Variants in EP400 observed in about 807,000 individuals in gnomAD.
EP400 encodes E1A-binding protein p400.
EP400 carries 105 observed loss-of-function variants against 354.1 expected under a neutral mutation model. That is an observed-to-expected ratio of 0.30 (90% CI 0.25 to 0.35). EP400 has a LOEUF of 0.35. Ranked by LOEUF, EP400 falls within the 10% of genes least tolerant of loss-of-function variation. The pLI is 1.00. For missense variants in EP400, 3,280 were observed against 4,121.0 expected (o/e 0.80, Z 5.59); for synonymous variants, 1,646 against 1,716.9 (o/e 0.96, Z 1.02).
chr12:132,033,757 C>T (rs778355752), intron 30 of EP400, among the ~76,000 whole-genome samples: 1 of 152,098 alleles, frequency 6.6e-6, no homozygotes, highest in Non-Finnish European at 1.5e-5. Context: ...GTCCCAAACT[C>T]CTGGGCTCAA....
chr12:132,027,297 G>A lies in EP400; in HGVS notation c.5015-140G>A. On this transcript the variant is annotated intron_variant, in intron 25 of 52. Coordinates refer to ENST00000389561, the MANE Select transcript of EP400 (RefSeq NM_015409.5). The surrounding 1 kb of genome is among the most constrained non-coding windows in gnomAD (Gnocchi z 4.9). ...CCAGGCATGTGCTGGTGGAGGATGAGGACTTGGGGACATGCCGTTGCAGAA... is the reference window on the plus strand; with the variant it reads ...CCAGGCATGTGCTGGTGGAGGATGAAGACTTGGGGACATGCCGTTGCAGAA... 1.3e-6 allele frequency: 1 copy of A among 790,988 alleles called. No individual in the cohort carries two copies. Among genetic ancestry groups the A allele is most frequent in the Non-Finnish European group, 2.1e-6 (1 of 466,438 alleles). 49.0% of individuals were successfully genotyped at this position (790,988 alleles called of 1,614,324 possible). A position where few individuals can be genotyped will look rare whatever the true frequency, so the allele number is the denominator to read the frequency against.
At chr12:132,077,293 A>G (rs1165120147) in intron 52 of EP400, 108 bp from the exon 53 acceptor site, 18 of 1,370,684 alleles carry the variant, frequency 1.3e-5, no homozygotes, top group African/African-American at 4.4e-5. Context: ...TCATAAAAGC[A>G]TAGTCAGTGA....
At chr12:131,953,860 C>A (rs1439218972) in intron 1 of EP400, among the ~76,000 whole-genome samples, 1 of 152,126 alleles carries the variant, frequency 6.6e-6, no homozygotes, top group African/African-American at 2.4e-5. Flanking sequence ...CGCCTGTAAT[C>A]CAAGCACTTT....
rs1896309566 is a variant in EP400, at chr12:132,078,744, A to G, written c.*1071A>G. 1.3e-5 allele frequency: 2 copies of G among 152,208 alleles called. No homozygotes were observed. Among genetic ancestry groups the G allele is most frequent in the African/African-American group, 4.8e-5 (2 of 41,454 alleles). The allele number at this position is 152,208 out of a possible 1,614,324, so 9.4% of individuals were successfully genotyped here. On this transcript the variant is annotated 3_prime_UTR_variant, in exon 53 of 53. Coordinates refer to ENST00000389561, the MANE Select transcript of EP400 (RefSeq NM_015409.5). ...GTCAACTCTTCCTTGTGGACTTACG[A>G]CAGCAGATTTTCTCTAGGATAAGCT... is the stretch of plus-strand genomic sequence containing the variant.
rs767984900 is a variant in EP400 at position 132,077,921 on chromosome 12, C to A, written c.*248C>A. ...AGTGACAACATGGCTTCCTCTAAATCATTTCACCTTTCAGTCCCCACCCGC... is the reference window on the plus strand; with the variant it reads ...AGTGACAACATGGCTTCCTCTAAATAATTTCACCTTTCAGTCCCCACCCGC... On this transcript the variant is annotated 3_prime_UTR_variant, in exon 53 of 53. Transcript: ENST00000389561. 7.4e-6 allele frequency: 4 copies of A among 541,816 alleles called. No homozygotes were observed. The highest frequency in any genetic ancestry group is 4.8e-4 in the Middle Eastern group (1 of 2,068). The allele number at this position is 541,816 out of a possible 1,614,324, so 33.6% of individuals were successfully genotyped here.
chr12:132,004,359 C>T (rs893540557), intron 12 of EP400, among the ~76,000 whole-genome samples: 6 of 152,046 alleles, frequency 3.9e-5, no homozygotes, highest in African/African-American at 1.4e-4. Context: ...GCTTCATATC[C>T]TTTGCCCACT....
chr12:131,970,138 C>G (rs995182191), intron 2 of EP400, among the ~76,000 whole-genome samples: 1 of 152,100 alleles, frequency 6.6e-6, no homozygotes, highest in African/African-American at 2.4e-5. Context: ...CTGCTAATGC[C>G]TGGAGGAATA....
At chr12:132,062,843 T>C (rs1462908933) in intron 47 of EP400, 142 bp downstream of exon 47, 3 of 1,062,264 alleles carry the variant, frequency 2.8e-6, no homozygotes, top group Non-Finnish European at 4.1e-6. Context: ...GGACGCGTGC[T>C]TCGTTTTATT....
At position 132,029,566 on chromosome 12, in the gene EP400, C is replaced by A; in HGVS notation, c.5382-135C>A. 2.1e-6 allele frequency: 2 copies of A among 970,934 alleles called. No individual in the cohort carries two copies. The highest frequency in any genetic ancestry group is 4.9e-5 in the East Asian group (2 of 40,474). The allele number at this position is 970,934 out of a possible 1,614,324, so 60.1% of individuals were successfully genotyped here. ...TGCCCGTGTGCCAACACCCACATCCCCATGTGACTGGGTTGAGCCCTGCTG... is the reference window on the plus strand; with the variant it reads ...TGCCCGTGTGCCAACACCCACATCCACATGTGACTGGGTTGAGCCCTGCTG... On this transcript the variant is annotated intron_variant, in intron 27 of 52. Coordinates refer to ENST00000389561, the MANE Select transcript of EP400 (RefSeq NM_015409.5). This position sits in a 1 kb window ranked among gnomAD's most constrained non-coding sequence, Gnocchi z 4.7.
rs150495795 is a variant in EP400, at chr12:132,077,438, C to T, written c.9137C>T (p.Ala3046Val). 37 of 1,612,820 alleles carry T rather than the reference C, an allele frequency of 2.3e-5. No homozygotes were observed. The African/African-American group carries it at 4.0e-4, about 17-fold the overall frequency. ...ACTGTGGCGCTCACGCAGGCGACGG[C>T]GGCCGGGCAGCAGGTGCAGATGATC... ...PQTVALTQAT[A>V]AGQQVQMIPA... The change falls in exon 53 of 53, where the codon GCG becomes GTG. Residue 3046 changes from alanine (A) to valine (V), a missense_variant. Around this residue, in one of 20 missense-constraint regions of EP400, gnomAD observed 279 missense variants for 386.7 expected, o/e 0.72. Transcript: ENST00000389561.
At chr12:132,060,510 G>A (rs747532763) in intron 45 of EP400, among the ~76,000 whole-genome samples, 48 of 152,344 alleles carry the variant, frequency 3.2e-4, no homozygotes, top group South Asian at 1.7e-3. Flanking sequence ...CAGAGGTGGA[G>A]CGGCTCACTT....
chr12:132,042,460 A>G (rs1033661531), intron 32 of EP400, among the ~76,000 whole-genome samples: 14 of 151,988 alleles, frequency 9.2e-5, no homozygotes, highest in Non-Finnish European at 1.9e-4. Context: ...TGCTGAGGAG[A>G]TTACTCTGCC....
rs1373811191 is a variant in EP400 at position 131,994,512 on chromosome 12, C to G, written c.2738-355C>G. 6.6e-6 allele frequency among the ~76,000 whole-genome samples: 1 copy of G among 151,942 alleles called. No homozygotes were observed. On this transcript the variant is annotated intron_variant, in intron 11 of 52. Coordinates refer to ENST00000389561, the MANE Select transcript of EP400 (RefSeq NM_015409.5). This position sits in a 1 kb window ranked among gnomAD's most constrained non-coding sequence, Gnocchi z 4.6. ...AGAGTGTTAGGCTGATGTGGCTGGG[C>G]CTCGTGAGATGGGCGATGATGACTT... is the stretch of plus-strand genomic sequence containing the variant.
chr12:132,016,303 A>G (rs1893930415), intron 19 of EP400, among the ~76,000 whole-genome samples: 1 of 152,108 alleles, frequency 6.6e-6, no homozygotes, highest in Admixed American at 6.5e-5. Context: ...ATCAAGGCCT[A>G]GCTGTGTGGG....
chr12:132,080,449 C>T lies in EP400; in HGVS notation c.*2776C>T, dbSNP rs188891614. 3.9e-5 allele frequency: 6 copies of T among 152,638 alleles called. No individual in the cohort carries two copies. The East Asian group carries it at 1.2e-3, about 29-fold the overall frequency. 9.5% of individuals were successfully genotyped at this position (152,638 alleles called of 1,614,324 possible). The stretch of plus-strand genomic sequence containing the variant: ...CCAAACAAAAGGCAAAATAAAGTGA[C>T]CTTTTTATATATTTTTTCATTTTGT... On this transcript the variant is annotated 3_prime_UTR_variant, in exon 53 of 53. Coordinates refer to ENST00000389561, the MANE Select transcript of EP400 (RefSeq NM_015409.5).
In EP400 at chr12:132,017,571, C is replaced by T. The variant is rs766184130; in HGVS notation, c.3960C>T (p.Asn1320=). ...CCTTGAAGAGCGGGCACTTTGTCAACGTCCTGAGCATCCTTGTGCGGCTGC... is the reference window on the plus strand; with the variant it reads ...CCTTGAAGAGCGGGCACTTTGTCAATGTCCTGAGCATCCTTGTGCGGCTGC... ...QEALKSGHFV[N]VLSILVRLQR... Residue 1320 remains asparagine, a synonymous_variant, in exon 20 of 53, where the codon AAC becomes AAT. Transcript: ENST00000389561. The surrounding 1 kb of genome is among the most constrained non-coding windows in gnomAD (Gnocchi z 5.0). 1.4e-5 allele frequency: 23 copies of T among 1,613,956 alleles called. No homozygotes were observed. Among genetic ancestry groups the T allele is most frequent in the Middle Eastern group, 1.6e-4 (1 of 6,080 alleles).
At chr12:131,987,596 G>T (rs1226267788) in intron 6 of EP400, 109 bp from the exon 7 acceptor site, 1 of 886,428 alleles carries the variant, frequency 1.1e-6, no homozygotes, top group Admixed American at 3.1e-5. Context: ...CTCTTTCTTA[G>T]TGCCTGACTG....
chr12:132,007,097 T>C (rs1489457859), intron 15 of EP400, among the ~76,000 whole-genome samples: 1 of 152,180 alleles, frequency 6.6e-6, no homozygotes, highest in Non-Finnish European at 1.5e-5. Context: ...TCTAATAAAA[T>C]ACAGAGACTC....
At chr12:132,001,113 G>A (rs1893396288) in intron 12 of EP400, among the ~76,000 whole-genome samples, 1 of 152,114 alleles carries the variant, frequency 6.6e-6, no homozygotes, top group Admixed American at 6.6e-5. Context: ...GAGAGATTGT[G>A]GAAATAAAGA....
Sources: allele counts gnomAD v4.1 joint callset (sites outside exome capture counted in the v4.1 genomes callset), GRCh38; gene constraint gnomAD v4.1.1; regional missense constraint gnomAD v4.1.1; non-coding constraint Gnocchi (gnomAD v3.1); transcripts MANE v1.5; gene names NCBI Gene and HGNC (gene_info 2026-07-23, HGNC 2026-07-21).